Variants in SYN3 observed in about 807,000 individuals in gnomAD.
SYN3 encodes the protein synapsin III, also known as synapsin-3.
In SYN3, 35 loss-of-function variants were observed where a neutral mutation model predicts 65.8. That is an observed-to-expected ratio of 0.53 (90% CI 0.41 to 0.70). SYN3 has a LOEUF of 0.70. Ranked by LOEUF, SYN3 falls within the 30% of genes least tolerant of loss-of-function variation. SYN3 has a pLI of 0.00. For missense variants in SYN3, 680 were observed against 749.0 expected, an observed-to-expected ratio of 0.91 and a Z score of 1.08; for synonymous variants, 270 against 292.9, an observed-to-expected ratio of 0.92 and a Z score of 0.80.
intron 6 of SYN3, among the ~76,000 whole-genome samples, chr22:32,814,909 A>G (rs1244722900): frequency 6.6e-6 from 1 of 152,224 alleles, no homozygotes; most frequent in Non-Finnish European, 1.5e-5. Flanking sequence ...GAAAAAGTGA[A>G]ATTAATTTTA....
rs144221995 is a variant in SYN3, at chr22:32,633,023, C to T, written c.712-36287G>A. Among the ~76,000 whole-genome samples, 684 of 152,326 alleles carry T rather than the reference C, an allele frequency of 4.5e-3. 4 individuals are homozygous for T. Among genetic ancestry groups the T allele is most frequent in the Non-Finnish European group, 8.2e-3 (556 of 68,018 alleles). The stretch of plus-strand genomic sequence containing the variant: ...CATGGGTTCTCACCCGGCTCCTTCA[C>T]ATACAGGCTCATGACGTTAGGCAAA... On this transcript the variant is annotated intron_variant, in intron 6 of 13. Coordinates refer to ENST00000358763, the MANE Select transcript of SYN3 (RefSeq NM_003490.4).
At chr22:32,835,982 C>T (rs943986241) in intron 6 of SYN3, among the ~76,000 whole-genome samples, 3 of 152,182 alleles carry the variant, frequency 2.0e-5, no homozygotes, top group East Asian at 1.9e-4. Context: ...TCCCTATCTC[C>T]GCATTTCCAA....
At chr22:33,056,054 T>G (rs2054248916) in intron 1 of SYN3, among the ~76,000 whole-genome samples, 1 of 152,140 alleles carries the variant, frequency 6.6e-6, no homozygotes, top group African/African-American at 2.4e-5. Context: ...CTTGGTTGGG[T>G]TTTGGAAGAG....
intron 6 of SYN3, among the ~76,000 whole-genome samples, chr22:32,645,892 G>T (rs1276995075): frequency 7.3e-6 from 1 of 136,966 alleles, no homozygotes; most frequent in East Asian, 2.6e-4. Context: ...CACAAAAGGG[G>T]ATATTTTGGG....
At position 32,541,509 on chromosome 22, in the gene SYN3, G is replaced by A. The variant is rs1601597951; in HGVS notation, c.917+62C>T. The stretch of plus-strand genomic sequence containing the variant: ...CCCTTGGGTGCAGGAGACAGCGGCT[G>A]GACATGCACCTCTGGGCTGCCTTCC... On this transcript the variant is annotated intron_variant, in intron 8 of 13. Transcript: ENST00000358763. 7 of 1,596,706 alleles carry A rather than the reference G, an allele frequency of 4.4e-6. No homozygotes were observed. In the East Asian group the frequency reaches 1.6e-4, roughly 36 times the overall value.
chr22:32,909,544 G>C (rs1286748778), intron 4 of SYN3, among the ~76,000 whole-genome samples: 1 of 151,958 alleles, frequency 6.6e-6, no homozygotes, highest in Non-Finnish European at 1.5e-5. Context: ...GCTCTCCCAG[G>C]GTCTTGAATA....
intron 3 of SYN3, among the ~76,000 whole-genome samples, chr22:32,939,210 G>A (rs1478119432): frequency 6.6e-6 from 1 of 152,040 alleles, no homozygotes. Context: ...ACCTGTAGAA[G>A]TAAAATGAAC....
intron 4 of SYN3, among the ~76,000 whole-genome samples, chr22:32,921,827 T>C (rs2046781469): frequency 6.6e-6 from 1 of 152,116 alleles, no homozygotes; most frequent in Non-Finnish European, 1.5e-5. Flanking sequence ...ATTGTTATTA[T>C]TATTATTAGG....
chr22:32,617,084 C>T (rs2059530956), intron 6 of SYN3, among the ~76,000 whole-genome samples: 1 of 152,164 alleles, frequency 6.6e-6, no homozygotes, highest in African/African-American at 2.4e-5. Context: ...TCAATGGTCT[C>T]TCCAAATGAG....
At chr22:32,582,024 T>C (rs113298582) in intron 7 of SYN3, among the ~76,000 whole-genome samples, 2 of 152,224 alleles carry the variant, frequency 1.3e-5, no homozygotes, top group Non-Finnish European at 2.9e-5. Flanking sequence ...GGTCTTGAAC[T>C]CCTGACCTTG....
rs1049941923 is a variant in SYN3, at chr22:32,837,292, C to T, written c.711+27623G>A. 1.3e-5 allele frequency among the ~76,000 whole-genome samples: 2 copies of T among 152,186 alleles called. No individual in the cohort carries two copies. Among genetic ancestry groups the T allele is most frequent in the African/African-American group, 2.4e-5 (1 of 41,430 alleles). On this transcript the variant is annotated intron_variant, in intron 6 of 13. Coordinates refer to ENST00000358763, the MANE Select transcript of SYN3 (RefSeq NM_003490.4). This position sits in a 1 kb window ranked among gnomAD's most constrained non-coding sequence, Gnocchi z 4.1. ...TGGGATAAAGTTTCCCATGGGCCCC[C>T]GTGGAGAGGCTGGAGCACTCTCAGG...
intron 6 of SYN3, among the ~76,000 whole-genome samples, chr22:32,642,673 C>G (rs1034051926): frequency 6.6e-6 from 1 of 152,048 alleles, no homozygotes; most frequent in African/African-American, 2.4e-5. Flanking sequence ...CGTGATCCGC[C>G]CGCCTCGGCC....
chr22:32,814,398 T>A (rs2047034683), intron 6 of SYN3, among the ~76,000 whole-genome samples: 1 of 112,086 alleles, frequency 8.9e-6, no homozygotes, highest in Non-Finnish European at 1.9e-5. Context: ...CATTGGGAGC[T>A]GAGCTTAATG....
intron 6 of SYN3, among the ~76,000 whole-genome samples, chr22:32,769,976 T>C (rs1454280879): frequency 6.6e-6 from 1 of 152,192 alleles, no homozygotes; most frequent in African/African-American, 2.4e-5. Flanking sequence ...CATGTCCCAT[T>C]GGAGGCCTAA....
At chr22:32,580,064 G>A (rs2058915404) in intron 7 of SYN3, among the ~76,000 whole-genome samples, 1 of 152,242 alleles carries the variant, frequency 6.6e-6, no homozygotes, top group Non-Finnish European at 1.5e-5. Context: ...GCTGTCCAGG[G>A]CCCTGGCCTA....
At chr22:32,999,157 G>A (rs1264965629) in intron 2 of SYN3, among the ~76,000 whole-genome samples, 1 of 152,192 alleles carries the variant, frequency 6.6e-6, no homozygotes, top group East Asian at 1.9e-4. Context: ...TGATGCGCCA[G>A]CATGATGAAG....
At chr22:32,731,150 C>G (rs189282854) in intron 6 of SYN3, among the ~76,000 whole-genome samples, 1 of 152,196 alleles carries the variant, frequency 6.6e-6, no homozygotes, top group Non-Finnish European at 1.5e-5. Context: ...TCCTGGCATA[C>G]AGTAAGTGAT....
chr22:32,517,976 G>A, intron 13 of SYN3, 67 bp downstream of exon 13: 1 of 1,389,332 alleles, frequency 7.2e-7, no homozygotes. Context: ...CCCTAACCCT[G>A]AATCAGCCAA....
intron 4 of SYN3, among the ~76,000 whole-genome samples, chr22:32,901,535 G>A (rs1170180472): frequency 1.3e-5 from 2 of 152,122 alleles, no homozygotes; most frequent in African/African-American, 4.8e-5. Context: ...GCTTGTCTTG[G>A]AGCTCCTCTC....
Sources: allele counts gnomAD v4.1 joint callset (sites outside exome capture counted in the v4.1 genomes callset), GRCh38; gene constraint gnomAD v4.1.1; non-coding constraint Gnocchi (gnomAD v3.1); transcripts MANE v1.5; gene names NCBI Gene and HGNC (gene_info 2026-07-23, HGNC 2026-07-21).